NPNT: variants seen among roughly 807,000 people sequenced by gnomAD.
NPNT encodes the protein preosteoblast EGF-like repeat protein with MAM domain.
A neutral mutation model predicts 68.6 loss-of-function variants in NPNT; 45 were observed. The observed-to-expected ratio is 0.66, with a 90% CI of 0.52 to 0.84. The LOEUF (loss-of-function observed/expected upper bound fraction) is 0.84, where lower values mean the gene tolerates loss of function less well. Ranked by LOEUF, NPNT falls within the 40% of genes least tolerant of loss-of-function variation. NPNT has a pLI of 0.00. For missense variants in NPNT, 672 were observed against 714.8 expected (o/e 0.94, Z 0.68); for synonymous variants, 233 against 253.3 (o/e 0.92, Z 0.76).
intron 8 of NPNT, among the ~76,000 whole-genome samples, chr4:105,951,201 T>G (rs1578668322): frequency 6.6e-6 from 1 of 152,098 alleles, no homozygotes; most frequent in South Asian, 2.1e-4. Flanking sequence ...CTGACTCATG[T>G]AAAATAAAAA....
At chr4:105,953,714 T>G (rs2149393756) in intron 8 of NPNT, among the ~76,000 whole-genome samples, 1 of 152,336 alleles carries the variant, frequency 6.6e-6, no homozygotes, top group East Asian at 1.9e-4. Flanking sequence ...AGAAACAGCC[T>G]TCAGAATATT....
At chr4:105,936,870 C>A in intron 3 of NPNT, 139 bp from the exon 4 acceptor site, 2 of 806,632 alleles carry the variant, frequency 2.5e-6, no homozygotes, top group Non-Finnish European at 3.8e-6. Context: ...TGAACAGGAT[C>A]TATCTCTTAT....
intron 2 of NPNT, among the ~76,000 whole-genome samples, chr4:105,920,666 A>G (rs961245539): frequency 2.0e-5 from 3 of 151,976 alleles, no homozygotes; most frequent in African/African-American, 7.2e-5. Flanking sequence ...TTGGCGGGGG[A>G]CACTTCAGGA....
intron 8 of NPNT, among the ~76,000 whole-genome samples, chr4:105,949,158 T>A (rs1690537831): frequency 6.6e-6 from 1 of 152,230 alleles, no homozygotes; most frequent in African/African-American, 2.4e-5. Flanking sequence ...ATTTAAGAAC[T>A]CCTAGGTTTA....
chr4:105,919,474 A>G lies in NPNT; in HGVS notation c.173-7862A>G, dbSNP rs375625336. ...TATTTAGATTTCCCTAATTGTCCCA[A>G]TAATGGTTTTTATGGATTTTTTCTT... On this transcript the variant is annotated intron_variant, in intron 2 of 11. Transcript: ENST00000379987. 1.0e-3 allele frequency among the ~76,000 whole-genome samples: 158 copies of G among 152,266 alleles called. 1 individual carries two copies. The highest frequency in any genetic ancestry group is 3.6e-3 in the African/African-American group (149 of 41,576).
Position 105,970,192 on chromosome 4 carries a change from G to A in NPNT, c.*1202G>A. The A allele has an allele frequency of 3.7e-6, 2 of 540,628 alleles. No individual in the cohort carries two copies. The highest frequency in any genetic ancestry group is 6.7e-6 in the Non-Finnish European group (2 of 300,092). The allele number at this position is 540,628 out of a possible 1,614,324, so 33.5% of individuals were successfully genotyped here. On this transcript the variant is annotated 3_prime_UTR_variant, in exon 12 of 12. Coordinates refer to ENST00000379987, the MANE Select transcript of NPNT (RefSeq NM_001033047.3). ...CATGCTTAGAGGCATGGGATGTGTTGGAACGGGATTTACACACACTGGAGG... is the reference window on the plus strand; with the variant it reads ...CATGCTTAGAGGCATGGGATGTGTTAGAACGGGATTTACACACACTGGAGG...
At chr4:105,949,340 G>A (rs1730632451) in intron 8 of NPNT, among the ~76,000 whole-genome samples, 3 of 152,116 alleles carry the variant, frequency 2.0e-5, no homozygotes, top group African/African-American at 7.2e-5. Context: ...AGGTCAGGCT[G>A]GGCTAAACTA....
intron 2 of NPNT, among the ~76,000 whole-genome samples, chr4:105,921,397 A>C (rs1365025550): frequency 6.6e-6 from 1 of 152,194 alleles, no homozygotes; most frequent in Non-Finnish European, 1.5e-5. Flanking sequence ...TGTAAAATGA[A>C]GATAGTGTCT....
chr4:105,910,501 G>A (rs1277932778), intron 2 of NPNT, among the ~76,000 whole-genome samples: 7 of 141,970 alleles, frequency 4.9e-5, no homozygotes, highest in Admixed American at 3.4e-4. Flanking sequence ...GGTTTATACC[G>A]CAAAAAAAAA....
chr4:105,898,686 G>A (rs1296844912), intron 2 of NPNT, among the ~76,000 whole-genome samples: 2 of 152,090 alleles, frequency 1.3e-5, no homozygotes, highest in African/African-American at 4.8e-5. Flanking sequence ...TACCAAATCA[G>A]AAAGCTGATT....
At position 105,944,212 on chromosome 4, in the gene NPNT, T is replaced by C. The variant is rs571660634; in HGVS notation, c.1159+1510T>C. Among the ~76,000 whole-genome samples, 436 of 152,318 alleles carry C rather than the reference T, an allele frequency of 2.9e-3. 1 individual carries two copies. Among genetic ancestry groups the C allele is most frequent in the Admixed American group, 7.7e-3 (118 of 15,294 alleles). ...GTGCATAACTATTTTCTGAAATTTATGTTTTTGTAATTTTCTCCTCACCCC... is the reference window on the plus strand; with the variant it reads ...GTGCATAACTATTTTCTGAAATTTACGTTTTTGTAATTTTCTCCTCACCCC... On this transcript the variant is annotated intron_variant, in intron 8 of 11. Transcript: ENST00000379987.
intron 10 of NPNT, among the ~76,000 whole-genome samples, chr4:105,964,759 A>G (rs978746676): frequency 6.6e-6 from 1 of 152,182 alleles, no homozygotes; most frequent in Non-Finnish European, 1.5e-5. Context: ...TGTTGCAAAT[A>G]TTTAAAAACA....
rs1241609185 is a variant in NPNT at position 105,970,917 on chromosome 4, A to G, written c.*1927A>G. On this transcript the variant is annotated 3_prime_UTR_variant, in exon 12 of 12. Transcript: ENST00000379987. Reference sequence around the variant, plus strand: ...CACCAAATGCTGAGCTCACTGAAATATCTCTCCCTTATGGCAATCCTAGCA... The same window carrying G: ...CACCAAATGCTGAGCTCACTGAAATGTCTCTCCCTTATGGCAATCCTAGCA... The G allele has an allele frequency of 6.5e-6, 2 of 308,590 alleles. No individual in the cohort carries two copies. Among genetic ancestry groups the G allele is most frequent in the Non-Finnish European group, 1.3e-5 (2 of 155,896 alleles). 19.1% of individuals were successfully genotyped at this position (308,590 alleles called of 1,614,324 possible).
At chr4:105,913,156 T>A (rs926231819) in intron 2 of NPNT, among the ~76,000 whole-genome samples, 1 of 152,192 alleles carries the variant, frequency 6.6e-6, no homozygotes, top group Non-Finnish European at 1.5e-5. Flanking sequence ...TGTGAGCTAC[T>A]GCACCCGGCC....
intron 8 of NPNT, among the ~76,000 whole-genome samples, chr4:105,952,541 C>G (rs1395699469): frequency 2.0e-5 from 3 of 151,962 alleles, no homozygotes; most frequent in Non-Finnish European, 4.4e-5. Context: ...GACTCTATCT[C>G]CAAAATAAAA....
At chr4:105,913,453 A>G (rs1193417652) in intron 2 of NPNT, among the ~76,000 whole-genome samples, 3 of 152,182 alleles carry the variant, frequency 2.0e-5, no homozygotes, top group Non-Finnish European at 4.4e-5. Context: ...TGTTCCTATG[A>G]CTTACCACCT....
rs1366949636 is a variant in NPNT at position 105,971,136 on chromosome 4, C to CAG, written c.*2152_*2153dup. 1 of 454,364 alleles carries CAG rather than the reference C, an allele frequency of 2.2e-6. No homozygotes were observed. The highest frequency in any genetic ancestry group is 4.4e-6 in the Non-Finnish European group (1 of 225,654). The allele number at this position is 454,364 out of a possible 1,614,324, so 28.1% of individuals were successfully genotyped here. A position where few individuals can be genotyped will look rare whatever the true frequency, so the allele number is the denominator to read the frequency against. Reference sequence around the variant, plus strand: ...AAGAGATCCTTCAAGGAACACAGTTCAGAGAGATTTTCATCGGGTGCATTC... The same window carrying CAG: ...AAGAGATCCTTCAAGGAACACAGTTCAGAGAGAGATTTTCATCGGGTGCATTC... On this transcript the variant is annotated 3_prime_UTR_variant, in exon 12 of 12. Coordinates refer to ENST00000379987, the MANE Select transcript of NPNT (RefSeq NM_001033047.3).
chr4:105,967,155 C>T, intron 10 of NPNT, 33 bp from the exon 11 acceptor site: 2 of 1,607,242 alleles, frequency 1.2e-6, no homozygotes, highest in Non-Finnish European at 1.7e-6. Context: ...GGGATATTGG[C>T]ACATACACAC....
chr4:105,969,198 G>C lies in NPNT; in HGVS notation c.*208G>C. 1 of 444,368 alleles carries C rather than the reference G, an allele frequency of 2.3e-6. No homozygotes were observed. 27.5% of individuals were successfully genotyped at this position (444,368 alleles called of 1,614,324 possible). On this transcript the variant is annotated 3_prime_UTR_variant, in exon 12 of 12. Transcript: ENST00000379987. Reference sequence around the variant, plus strand: ...ACCCTCCTTGAAATACAGGGGCATCGCAGACACATCAAAGCCATCTGTGGG... The same window carrying C: ...ACCCTCCTTGAAATACAGGGGCATCCCAGACACATCAAAGCCATCTGTGGG...
Sources: gnomAD v4.1 joint callset for allele counts (sites outside exome capture counted in the v4.1 genomes callset) on GRCh38, gnomAD v4.1.1 for gene constraint, MANE v1.5 for transcripts, NCBI Gene and HGNC (gene_info 2026-07-23, HGNC 2026-07-21) for gene names.